Variants in PTPRA observed in about 807,000 individuals in gnomAD.
PTPRA encodes protein tyrosine phosphatase receptor type A, also known as receptor-type tyrosine-protein phosphatase alpha.
In PTPRA, 25 loss-of-function variants were observed where a neutral mutation model predicts 104.8. The ratio of observed to expected loss-of-function variants is 0.24; its 90% CI spans 0.17 to 0.33. PTPRA has a LOEUF of 0.33. Among genes scored for constraint, PTPRA ranks in the 10% least tolerant of loss-of-function variants. The pLI is 1.00. For missense variants in PTPRA, 765 were observed against 1,015.3 expected, an observed-to-expected ratio of 0.75 and a Z score of 3.35; for synonymous variants, 323 against 368.9, an observed-to-expected ratio of 0.88 and a Z score of 1.43.
chr20:2,903,547 C>T lies in PTPRA; in HGVS notation c.-128-19660C>T, dbSNP rs140551728. On this transcript the variant is annotated intron_variant, in intron 1 of 23. Transcript: ENST00000399903. Reference sequence around the variant, plus strand: ...CAAAAAAATTCACAAATTAGTTGGGCGCGGTGGTTATATGCCTGTAGCCCT... The same window carrying T: ...CAAAAAAATTCACAAATTAGTTGGGTGCGGTGGTTATATGCCTGTAGCCCT... 9.8e-3 allele frequency among the ~76,000 whole-genome samples: 1,489 copies of T among 152,102 alleles called. 94 individuals are homozygous for T. Among genetic ancestry groups the T allele is most frequent in the Admixed American group, 0.089 (1,363 of 15,280 alleles).
In PTPRA at chr20:2,955,676, TC is replaced by T; in HGVS notation, c.-7+7654del. On this transcript the variant is annotated intron_variant, in intron 3 of 23. Coordinates refer to ENST00000399903, the MANE Select transcript of PTPRA (RefSeq NM_001385305.1). ...CACTGGCAACTCTTCAGAGTGCTGT[TC>T]CTACTCCACCCTCCCCTGGTGGTAT... The T allele has an allele frequency of 3.0e-6, 3 of 985,302 alleles. No homozygotes were observed. In the South Asian group the frequency reaches 1.4e-4, roughly 46 times the overall value. 61.0% of individuals were successfully genotyped at this position (985,302 alleles called of 1,614,324 possible).
intron 6 of PTPRA, among the ~76,000 whole-genome samples, chr20:2,982,743 C>G (rs1354568202): frequency 6.6e-6 from 1 of 151,370 alleles, no homozygotes; most frequent in African/African-American, 2.4e-5. Context: ...ATTGCCCAGG[C>G]TGAAGTGCAG....
intron 1 of PTPRA, among the ~76,000 whole-genome samples, chr20:2,906,610 G>T (rs2147160389): frequency 6.6e-6 from 1 of 152,236 alleles, no homozygotes; most frequent in South Asian, 2.1e-4. Flanking sequence ...GTTCTTTTCG[G>T]AGTGATAACA....
At chr20:2,938,893 T>C (rs2060804036) in intron 2 of PTPRA, among the ~76,000 whole-genome samples, 1 of 152,212 alleles carries the variant, frequency 6.6e-6, no homozygotes, top group Non-Finnish European at 1.5e-5. Flanking sequence ...TTGTCATCTG[T>C]TGATTGCCTT....
At chr20:2,880,478 T>G (rs2089985755) in intron 1 of PTPRA, among the ~76,000 whole-genome samples, 1 of 152,158 alleles carries the variant, frequency 6.6e-6, no homozygotes, top group Non-Finnish European at 1.5e-5. Flanking sequence ...TATTAACCAG[T>G]TCTCATTGAA....
chr20:2,866,148 G>C, the PTPRA span: 3 of 1,467,636 alleles, frequency 2.0e-6, no homozygotes, highest in Non-Finnish European at 2.8e-6. Context: ...GCCTCTGCTC[G>C]TAAGAGAGAG....
At chr20:2,942,537 A>G (rs1251887005) in intron 2 of PTPRA, among the ~76,000 whole-genome samples, 1 of 151,860 alleles carries the variant, frequency 6.6e-6, no homozygotes, top group African/African-American at 2.4e-5. Flanking sequence ...AGTTTGTTTA[A>G]TATAGTTAAT....
At chr20:2,940,716 A>C (rs1372300414) in intron 2 of PTPRA, among the ~76,000 whole-genome samples, 1 of 152,232 alleles carries the variant, frequency 6.6e-6, no homozygotes, top group African/African-American at 2.4e-5. Context: ...AAATTATATG[A>C]AATTCAAATT....
chr20:3,031,065 GCAGA>G (rs2065430284), intron 20 of PTPRA, among the ~76,000 whole-genome samples: 1 of 152,138 alleles, frequency 6.6e-6, no homozygotes, highest in South Asian at 2.1e-4. Context: ...ATCAGCCTGG[GCAGA>G]CAGAGCAGTG....
At chr20:2,900,575 G>C (rs575135443) in intron 1 of PTPRA, among the ~76,000 whole-genome samples, 81 of 152,316 alleles carry the variant, frequency 5.3e-4, no homozygotes, top group Non-Finnish European at 7.3e-5. Flanking sequence ...AAGCTTCTCA[G>C]GTGGGCGTGG....
intron 20 of PTPRA, among the ~76,000 whole-genome samples, chr20:3,029,071 A>G (rs989170557): frequency 6.6e-6 from 1 of 151,932 alleles, no homozygotes; most frequent in African/African-American, 2.4e-5. Flanking sequence ...CTTTGGTACA[A>G]GGCTTTACAC....
chr20:3,021,269 G>GAGGT, intron 13 of PTPRA, 40 bp from the exon 14 acceptor site: 1 of 1,612,380 alleles, frequency 6.2e-7, no homozygotes. Flanking sequence ...CCATGGGCAG[G>GAGGT]AGGTCTAAGG....
At chr20:3,007,194 A>G in intron 10 of PTPRA, 150 bp from the exon 11 acceptor site, 2 of 661,872 alleles carry the variant, frequency 3.0e-6, no homozygotes, top group East Asian at 5.7e-5. Context: ...TTTTGCTGTT[A>G]TACTGTTGGA....
chr20:2,965,657 G>A (rs2061918639), intron 5 of PTPRA, among the ~76,000 whole-genome samples: 1 of 152,158 alleles, frequency 6.6e-6, no homozygotes, highest in Admixed American at 6.5e-5. Context: ...GGTTTGGAAA[G>A]GGAGGGATCC....
intron 2 of PTPRA, among the ~76,000 whole-genome samples, chr20:2,944,945 T>C (rs1198302781): frequency 6.6e-6 from 1 of 152,228 alleles, no homozygotes. Context: ...ATATTTCTTC[T>C]GTTCCATTTC....
Position 2,877,135 on chromosome 20 carries a change from G to C in PTPRA, c.-129+3375G>C, listed in dbSNP as rs1210578955. ...TCCATTTTCACATGGAAAAAAATGA[G>C]ATGCAGGGGAAGTTTGAGTTATGAG... On this transcript the variant is annotated intron_variant, in intron 1 of 23. Transcript: ENST00000399903. 2.0e-5 allele frequency among the ~76,000 whole-genome samples: 3 copies of C among 152,190 alleles called. No homozygotes were observed. The East Asian group carries it at 5.8e-4, about 29-fold the overall frequency.
intron 1 of PTPRA, among the ~76,000 whole-genome samples, chr20:2,901,905 A>G (rs928834987): frequency 6.7e-6 from 1 of 148,402 alleles, no homozygotes; most frequent in Non-Finnish European, 1.5e-5. Context: ...TTTTTTTTGG[A>G]TACAGAGTCT....
intron 1 of PTPRA, among the ~76,000 whole-genome samples, chr20:2,898,790 G>A (rs910998250): frequency 3.9e-5 from 6 of 152,026 alleles, no homozygotes; most frequent in East Asian, 2.0e-4. Flanking sequence ...CCCGGGAGGC[G>A]GAGGTTGCAG....
intron 3 of PTPRA, 115 bp from the exon 4 acceptor site, chr20:2,964,157 T>C (rs922950497): frequency 7.3e-6 from 6 of 822,946 alleles, no homozygotes; most frequent in South Asian, 3.2e-5. Context: ...CAAAAGATCA[T>C]TGGTTTAGGC....
Sources: allele counts gnomAD v4.1 joint callset (sites outside exome capture counted in the v4.1 genomes callset), GRCh38; gene constraint gnomAD v4.1.1; transcripts MANE v1.5; gene names NCBI Gene and HGNC (gene_info 2026-07-23, HGNC 2026-07-21).